RIMS2: variants seen among roughly 807,000 people sequenced by gnomAD.
RIMS2 encodes regulating synaptic membrane exocytosis protein 2.
A neutral mutation model predicts 174.4 loss-of-function variants in RIMS2; 59 were observed. The observed-to-expected ratio is 0.34, with a 90% confidence interval of 0.27 to 0.42. The LOEUF (loss-of-function observed/expected upper bound fraction) is 0.42, where lower values mean the gene tolerates loss of function less well. RIMS2 is among the 10% of genes least tolerant of loss of function. The pLI is 1.00. For missense variants in RIMS2, 1,620 were observed against 1,666.3 expected (o/e 0.97, Z 0.48); for synonymous variants, 606 against 572.5 (o/e 1.06, Z -0.84).
chr8:103,641,136 G>T (rs534348925), intron 1 of RIMS2, among the ~76,000 whole-genome samples: 1 of 151,994 alleles, frequency 6.6e-6, no homozygotes, highest in African/African-American at 2.4e-5. Flanking sequence ...TTGCTCTAAA[G>T]TTGGCTTTGT....
intron 3 of RIMS2, among the ~76,000 whole-genome samples, chr8:103,788,561 G>A (rs1301155628): frequency 2.0e-5 from 3 of 151,712 alleles, no homozygotes; most frequent in Non-Finnish European, 4.4e-5. Flanking sequence ...CTGCTGGGGG[G>A]TGCCTCCCAG....
intron 1 of RIMS2, among the ~76,000 whole-genome samples, chr8:103,616,451 G>A (rs7001190): frequency 0.38 from 57,270 of 151,970 alleles, 11,133 homozygotes; most frequent in African/African-American, 0.4. Flanking sequence ...TCCCCTTGAA[G>A]ACTGACACAA....
At chr8:104,148,734 G>T (rs1166429160) in intron 19 of RIMS2, 4 of 1,598,302 alleles carry the variant, frequency 2.5e-6, no homozygotes, top group Non-Finnish European at 3.4e-6. Context: ...TGACACTGCA[G>T]TGGGCACCTT....
chr8:103,699,212 T>G (rs556616839), intron 2 of RIMS2, among the ~76,000 whole-genome samples: 25 of 152,298 alleles, frequency 1.6e-4, no homozygotes, highest in African/African-American at 6.0e-4. Flanking sequence ...TATTGGTAAT[T>G]TGTATCTTTT....
chr8:104,246,396 T>C (rs1253497939), intron 20 of RIMS2, among the ~76,000 whole-genome samples: 1 of 152,098 alleles, frequency 6.6e-6, no homozygotes, highest in Non-Finnish European at 1.5e-5. Context: ...TTTACTTCTA[T>C]AGAACATACA....
chr8:103,625,830 TAGTTGTATACATAC>T (rs2095767430), intron 1 of RIMS2, among the ~76,000 whole-genome samples: 1 of 152,010 alleles, frequency 6.6e-6, no homozygotes, highest in South Asian at 2.1e-4. Context: ...TTATGATAGA[TAGTTGTATACATAC>T]ATGAATACAT....
At chr8:103,988,918 C>T (rs763049796) in intron 16 of RIMS2, among the ~76,000 whole-genome samples, 7 of 152,176 alleles carry the variant, frequency 4.6e-5, no homozygotes, top group Non-Finnish European at 1.0e-4. Context: ...TCCTATAGGT[C>T]ATGTATGCAA....
intron 3 of RIMS2, among the ~76,000 whole-genome samples, chr8:103,864,707 T>C (rs535684275): frequency 2.0e-5 from 3 of 152,238 alleles, no homozygotes; most frequent in Non-Finnish European, 4.4e-5. Flanking sequence ...GTATTAATTA[T>C]TCTTAAGAAA....
At chr8:103,597,724 A>G in intron 1 of RIMS2, among the ~76,000 whole-genome samples, 1 of 138,902 alleles carries the variant, frequency 7.2e-6, no homozygotes, top group Non-Finnish European at 1.6e-5. Context: ...ACCTCATGTT[A>G]TTATTTTTTT....
At chr8:103,927,345 T>G (rs75812576) in intron 10 of RIMS2, among the ~76,000 whole-genome samples, 1,889 of 151,618 alleles carry the variant, frequency 0.012, 26 homozygotes, top group South Asian at 0.046. Context: ...CCAACTTGGC[T>G]AATAGTTTTT....
chr8:104,024,541 CGTTGTTGTTGTT>C (rs55642714), intron 19 of RIMS2, among the ~76,000 whole-genome samples: 1 of 151,348 alleles, frequency 6.6e-6, no homozygotes, highest in Non-Finnish European at 1.5e-5. Context: ...CAACCGGTTT[CGTTGTTGTTGTT>C]GTTGTTGTTG....
At chr8:103,837,824 G>A (rs931813679) in intron 3 of RIMS2, among the ~76,000 whole-genome samples, 5 of 152,056 alleles carry the variant, frequency 3.3e-5, no homozygotes, top group South Asian at 4.1e-4. Flanking sequence ...ATAAACATAC[G>A]TGTGCATGTG....
chr8:104,080,604 T>G (rs1598401458), intron 19 of RIMS2, among the ~76,000 whole-genome samples: 1 of 152,044 alleles, frequency 6.6e-6, no homozygotes, highest in Non-Finnish European at 1.5e-5. Context: ...TGTAAAAACC[T>G]TTAGTCAATA....
At chr8:103,754,762 T>C (rs903310784) in intron 2 of RIMS2, among the ~76,000 whole-genome samples, 11 of 152,178 alleles carry the variant, frequency 7.2e-5, no homozygotes, top group Non-Finnish European at 7.3e-5. Context: ...CCCTGCTTTT[T>C]TTTGCTTTCC....
At chr8:103,977,296 T>C (rs2093531281) in intron 16 of RIMS2, 1 of 152,206 alleles carries the variant, frequency 6.6e-6, no homozygotes, top group Non-Finnish European at 1.5e-5. Flanking sequence ...AGTTTATAAA[T>C]GGGACCAAAA....
chr8:104,012,185 A>G (rs1018254174), intron 17 of RIMS2, among the ~76,000 whole-genome samples: 1 of 152,016 alleles, frequency 6.6e-6, no homozygotes, highest in African/African-American at 2.4e-5. Flanking sequence ...GTATTTAAAA[A>G]TGCTCTGACT....
intron 3 of RIMS2, among the ~76,000 whole-genome samples, chr8:103,793,350 T>C (rs1292976611): frequency 2.6e-5 from 4 of 152,190 alleles, no homozygotes; most frequent in Non-Finnish European, 1.5e-5. Flanking sequence ...TCTCAATAGA[T>C]GCAGAAAAGG....
intron 1 of RIMS2, among the ~76,000 whole-genome samples, chr8:103,503,295 A>T (rs571720091): frequency 1.3e-5 from 2 of 151,012 alleles, no homozygotes; most frequent in Non-Finnish European, 3.0e-5. Flanking sequence ...AATGTTCTTA[A>T]TTTTTTTTTA....
chr8:103,557,770 ACC>A (rs2090770339), intron 1 of RIMS2, among the ~76,000 whole-genome samples: 1 of 152,172 alleles, frequency 6.6e-6, no homozygotes, highest in Non-Finnish European at 1.5e-5. Flanking sequence ...CTAAATTGTA[ACC>A]TTTTCAGTTA....
Sources: allele counts gnomAD v4.1 joint callset (sites outside exome capture counted in the v4.1 genomes callset), GRCh38; gene constraint gnomAD v4.1.1; transcripts MANE v1.5; gene names NCBI Gene and HGNC (gene_info 2026-07-23, HGNC 2026-07-21).